FNDC3A: variants seen among roughly 807,000 people sequenced by gnomAD.
FNDC3A encodes fibronectin type-III domain-containing protein 3A.
In FNDC3A, 32 loss-of-function variants were observed where a neutral mutation model predicts 148.9. The ratio of observed to expected loss-of-function variants is 0.21; its 90% CI spans 0.16 to 0.29. The LOEUF (loss-of-function observed/expected upper bound fraction) is 0.29, where lower values mean the gene tolerates loss of function less well. Among genes scored for constraint, FNDC3A ranks in the 10% least tolerant of loss-of-function variants. The pLI is 1.00. For missense variants in FNDC3A, 1,191 were observed against 1,452.8 expected (o/e 0.82, Z 2.93); for synonymous variants, 472 against 473.6 (o/e 1.00, Z 0.04).
In FNDC3A at chr13:49,000,107, T is replaced by G. The variant is rs558673726; in HGVS notation, c.-39-6045T>G. 9.2e-5 allele frequency among the ~76,000 whole-genome samples: 14 copies of G among 152,350 alleles called. No individual in the cohort carries two copies. The South Asian group carries it at 2.9e-3, about 32-fold the overall frequency. ...GTTTGATTAAGTCCCATTTGTCTGT[T>G]TTTGCCTTTGTTATGTGTGTTTTTG... On this transcript the variant is annotated intron_variant, in intron 1 of 25. Coordinates refer to ENST00000492622, the MANE Select transcript of FNDC3A (RefSeq NM_001079673.2).
intron 2 of FNDC3A, among the ~76,000 whole-genome samples, chr13:49,047,370 T>A (rs1014285260): frequency 3.3e-5 from 5 of 152,194 alleles, no homozygotes; most frequent in African/African-American, 1.2e-4. Flanking sequence ...GCAGATTTAC[T>A]TTTAGTTCTT....
Position 49,111,550 on chromosome 13 carries a change from A to AC in FNDC3A, c.176-3101dup, listed in dbSNP as rs557510700. 1.6e-3 allele frequency among the ~76,000 whole-genome samples: 244 copies of AC among 151,944 alleles called. 1 individual carries two copies. The highest frequency in any genetic ancestry group is 5.7e-3 in the African/African-American group (235 of 41,430). The stretch of plus-strand genomic sequence containing the variant: ...AGACCAGCCTGGCCAACATGGTGAA[A>AC]CCCCGTCTCTACTAAAAATACAAAA... On this transcript the variant is annotated intron_variant, in intron 3 of 25. Coordinates refer to ENST00000492622, the MANE Select transcript of FNDC3A (RefSeq NM_001079673.2).
At chr13:49,022,430 T>G (rs1873395288) in intron 2 of FNDC3A, among the ~76,000 whole-genome samples, 1 of 152,168 alleles carries the variant, frequency 6.6e-6, no homozygotes, top group African/African-American at 2.4e-5. Context: ...GAAGGAAAAC[T>G]TTCACCAATA....
At chr13:49,040,227 A>G (rs1368823435) in intron 2 of FNDC3A, among the ~76,000 whole-genome samples, 1 of 152,230 alleles carries the variant, frequency 6.6e-6, no homozygotes, top group African/African-American at 2.4e-5. Context: ...AGTAGTACTG[A>G]ATAAGTAAAT....
intron 8 of FNDC3A, among the ~76,000 whole-genome samples, chr13:49,158,657 C>T (rs1463629516): frequency 6.6e-6 from 1 of 152,170 alleles, no homozygotes. Context: ...CTTTTGTTGC[C>T]ATTGCTTTCG....
At chr13:49,178,473 A>T (rs1391624851) in intron 13 of FNDC3A, 95 bp from the exon 14 acceptor site, 1 of 748,098 alleles carries the variant, frequency 1.3e-6, no homozygotes, top group Admixed American at 2.3e-5. Flanking sequence ...ACATAGTAGA[A>T]GATGAAGAGA....
Position 49,111,612 on chromosome 13 carries a change from G to C in FNDC3A, c.176-3043G>C, listed in dbSNP as rs141089399. ...GTGGTGGCACATGCATGTAATCCCA[G>C]CTACTCGGGAGGCTGAAGCAGAAGA... On this transcript the variant is annotated intron_variant, in intron 3 of 25. Coordinates refer to ENST00000492622, the MANE Select transcript of FNDC3A (RefSeq NM_001079673.2). 2.0e-3 allele frequency among the ~76,000 whole-genome samples: 309 copies of C among 151,850 alleles called. 1 individual carries two copies. Among genetic ancestry groups the C allele is most frequent in the African/African-American group, 7.2e-3 (297 of 41,362 alleles).
chr13:49,010,067 C>T (rs1952305438), intron 2 of FNDC3A, among the ~76,000 whole-genome samples: 1 of 152,198 alleles, frequency 6.6e-6, no homozygotes, highest in African/African-American at 2.4e-5. Context: ...CGTATCATGT[C>T]ATACAGGTAG....
At chr13:49,136,724 C>T in intron 6 of FNDC3A, 123 bp downstream of exon 6, 1 of 907,590 alleles carries the variant, frequency 1.1e-6, no homozygotes, top group Admixed American at 2.6e-5. Context: ...CAGGCTGCTG[C>T]TTTCGACAGT....
At chr13:49,089,885 A>G (rs564413936) in intron 3 of FNDC3A, among the ~76,000 whole-genome samples, 3 of 152,304 alleles carry the variant, frequency 2.0e-5, no homozygotes, top group Middle Eastern at 6.8e-3. Flanking sequence ...AAGACAAATA[A>G]TATGAACTTT....
chr13:49,066,976 C>T (rs1012895064), intron 2 of FNDC3A, among the ~76,000 whole-genome samples: 2 of 152,028 alleles, frequency 1.3e-5, no homozygotes, highest in Non-Finnish European at 2.9e-5. Context: ...TTTTTAATTA[C>T]CTCGGAGAAG....
At chr13:49,190,857 A>G (rs1283916682) in intron 17 of FNDC3A, among the ~76,000 whole-genome samples, 158 bp from the exon 18 acceptor site, 1 of 151,588 alleles carries the variant, frequency 6.6e-6, no homozygotes, top group Non-Finnish European at 1.5e-5. Context: ...TTGGGTTTTC[A>G]TTTTTTTTCA....
At chr13:49,106,897 A>C (rs898328898) in intron 3 of FNDC3A, among the ~76,000 whole-genome samples, 3 of 152,188 alleles carry the variant, frequency 2.0e-5, no homozygotes, top group Non-Finnish European at 4.4e-5. Flanking sequence ...AACTACAGCT[A>C]TATGAAACTA....
At chr13:48,999,285 A>G (rs1481590974) in intron 1 of FNDC3A, among the ~76,000 whole-genome samples, 3 of 152,238 alleles carry the variant, frequency 2.0e-5, no homozygotes, top group Non-Finnish European at 4.4e-5. Context: ...TTAAGATCTA[A>G]CAGTATTTGC....
At chr13:49,159,347 G>A (rs1224174141) in intron 8 of FNDC3A, among the ~76,000 whole-genome samples, 1 of 152,158 alleles carries the variant, frequency 6.6e-6, no homozygotes, top group Admixed American at 6.5e-5. Context: ...TCCCTTGTAA[G>A]TTGGATTCCT....
At chr13:49,018,389 C>T (rs925576558) in intron 2 of FNDC3A, among the ~76,000 whole-genome samples, 9 of 152,242 alleles carry the variant, frequency 5.9e-5, no homozygotes, top group East Asian at 1.9e-4. Context: ...TCCAGTTGAT[C>T]GCATCGGCTC....
At chr13:49,027,341 A>C (rs572601590) in intron 2 of FNDC3A, among the ~76,000 whole-genome samples, 1 of 152,336 alleles carries the variant, frequency 6.6e-6, no homozygotes, top group East Asian at 1.9e-4. Flanking sequence ...ATGGTTAGTG[A>C]ATGCTTTTCC....
chr13:49,132,960 CTAT>C (rs1022414953), intron 5 of FNDC3A, among the ~76,000 whole-genome samples: 1 of 152,176 alleles, frequency 6.6e-6, no homozygotes, highest in Non-Finnish European at 1.5e-5. Context: ...ATTTTAATCA[CTAT>C]TGTTTCCCTG....
At chr13:49,123,282 A>G (rs1364448558) in intron 4 of FNDC3A, among the ~76,000 whole-genome samples, 1 of 152,212 alleles carries the variant, frequency 6.6e-6, no homozygotes, top group Non-Finnish European at 1.5e-5. Flanking sequence ...TGTTGGGAAT[A>G]CTGGCTAGCC....
Sources: gnomAD v4.1 joint callset for allele counts (sites outside exome capture counted in the v4.1 genomes callset) on GRCh38, gnomAD v4.1.1 for gene constraint, MANE v1.5 for transcripts, NCBI Gene and HGNC (gene_info 2026-07-23, HGNC 2026-07-21) for gene names.